The following TASOR2 variants were observed in gnomAD, a reference collection of about 807,000 sequenced individuals.
TASOR2 encodes the protein transcription activation suppressor family member 2.
In TASOR2, 84 loss-of-function variants were observed where a neutral mutation model predicts 199.5. The observed-to-expected ratio is 0.42, with a 90% confidence interval of 0.35 to 0.50. The LOEUF (loss-of-function observed/expected upper bound fraction) is 0.50, where lower values mean the gene tolerates loss of function less well. Ranked by LOEUF, TASOR2 falls within the 20% of genes least tolerant of loss-of-function variation. TASOR2 has a pLI of 0.02. For synonymous variants in TASOR2, 1,103 were observed against 1,046.6 expected (o/e 1.05, Z -1.04); for missense variants, 2,796 against 2,835.9 (o/e 0.99, Z 0.32).
At chr10:5,693,314 A>G (rs988142853) in intron 1 of TASOR2, among the ~76,000 whole-genome samples, 16 of 152,172 alleles carry the variant, frequency 1.1e-4, no homozygotes, top group African/African-American at 3.9e-4. Flanking sequence ...TGAAATGTAG[A>G]ACAGGGATTG....
intron 6 of TASOR2, 142 bp downstream of exon 7, chr10:5,721,112 T>A: frequency 1.6e-6 from 1 of 615,066 alleles, no homozygotes; most frequent in Non-Finnish European, 2.8e-6. Flanking sequence ...TTTGGGTAAA[T>A]GTATAGCACA....
At chr10:5,734,542 C>T (rs1283117447) in intron 11 of TASOR2, among the ~76,000 whole-genome samples, 1 of 152,074 alleles carries the variant, frequency 6.6e-6, no homozygotes, top group Non-Finnish European at 1.5e-5. Flanking sequence ...TAATATGGCT[C>T]TCCAAATATA....
At position 5,742,057 on chromosome 10, in the gene TASOR2, T is replaced by G. The variant is rs1234921761; in HGVS notation, c.2328-40T>G. 6.3e-7 allele frequency: 1 copy of G among 1,579,270 alleles called. No individual in the cohort carries two copies. Among genetic ancestry groups the G allele is most frequent in the Admixed American group, 2.0e-5 (1 of 50,712 alleles). ...ATAAGGTAATCAACTAAAATAACCA[T>G]TTTCAATGATTTTCATGTGTTCTTT... is the stretch of plus-strand genomic sequence containing the variant. On this transcript the variant is annotated intron_variant, in intron 13 of 20. Coordinates refer to ENST00000328090, the Ensembl canonical transcript of TASOR2. This position sits in a 1 kb window ranked among gnomAD's most constrained non-coding sequence, Gnocchi z 4.2.
intron 1 of TASOR2, among the ~76,000 whole-genome samples, chr10:5,694,049 T>C (rs1198335665): frequency 6.6e-6 from 1 of 151,020 alleles, no homozygotes; most frequent in Admixed American, 6.6e-5. Context: ...TAAATAGATG[T>C]CACTAAAGGA....
intron 8 of TASOR2, among the ~76,000 whole-genome samples, chr10:5,725,887 C>T (rs1283864148): frequency 6.6e-6 from 1 of 152,112 alleles, no homozygotes; most frequent in Non-Finnish European, 1.5e-5. Flanking sequence ...CACATAGGGG[C>T]TCTCATAGAA....
rs114952405 is a variant in TASOR2, at chr10:5,761,727, G to T, written c.7174+256G>T. 3.2e-3 allele frequency: 1,027 copies of T among 320,028 alleles called. 15 individuals carry two copies. Among genetic ancestry groups the T allele is most frequent in the African/African-American group, 0.02 (942 of 46,558 alleles). 19.8% of individuals were successfully genotyped at this position (320,028 alleles called of 1,614,324 possible). ...TCAATACAGTATAAGTAGTTATACCGTATTATTTTTTAAATCAATACTGGG... is the reference window on the plus strand; with the variant it reads ...TCAATACAGTATAAGTAGTTATACCTTATTATTTTTTAAATCAATACTGGG... On this transcript the variant is annotated intron_variant, in intron 19 of 20. Coordinates refer to ENST00000328090, the Ensembl canonical transcript of TASOR2.
At chr10:5,734,950 C>A (rs1390905798) in intron 11 of TASOR2, among the ~76,000 whole-genome samples, 1 of 151,806 alleles carries the variant, frequency 6.6e-6, no homozygotes, top group East Asian at 1.9e-4. Context: ...CGTCATGGCC[C>A]CCCAACATAC....
At chr10:5,727,256 G>C in intron 10 of TASOR2, 133 bp downstream of exon 11, 1 of 881,646 alleles carries the variant, frequency 1.1e-6, no homozygotes. Flanking sequence ...TAACATCACT[G>C]GTTCACCCTT....
Position 5,752,311 on chromosome 10 carries a change from G to A in TASOR2, c.6606+2284G>A, listed in dbSNP as rs1042998146. Among the ~76,000 whole-genome samples the A allele has an allele frequency of 2.0e-4, 31 of 152,208 alleles. No individual in the cohort carries two copies. The highest frequency in any genetic ancestry group is 1.7e-3 in the East Asian group (9 of 5,196). On this transcript the variant is annotated intron_variant, in intron 15 of 20. Transcript: ENST00000328090. This position sits in a 1 kb window ranked among gnomAD's most constrained non-coding sequence, Gnocchi z 4.4. Reference sequence around the variant, plus strand: ...AATGTGACGCAGGTGCCACGAGGACGCATTGAGGGTGATTGGCCTGGCCGG... The same window carrying A: ...AATGTGACGCAGGTGCCACGAGGACACATTGAGGGTGATTGGCCTGGCCGG...
exon 2 of TASOR2, chr10:5,712,870 A>G (rs1270458514): frequency 1.1e-4 from 137 of 1,231,356 alleles, no homozygotes; most frequent in Non-Finnish European, 7.9e-5. Flanking sequence ...ATACTCAGGA[A>G]GAACTTCAAG....
rs1237026503 is a variant in TASOR2, at chr10:5,735,608, A to G, written c.1447+62A>G. On this transcript the variant is annotated intron_variant, in intron 12 of 20. Coordinates refer to ENST00000328090, the Ensembl canonical transcript of TASOR2. ...ATACAGATCTAACAGAGAGTGCAAGATAATTTATTGAAATAGTGTAAGAGC... is the reference window on the plus strand; with the variant it reads ...ATACAGATCTAACAGAGAGTGCAAGGTAATTTATTGAAATAGTGTAAGAGC... 3.9e-6 allele frequency: 6 copies of G among 1,554,922 alleles called. No homozygotes were observed. In the Admixed American group the frequency reaches 1.0e-4, roughly 27 times the overall value.
intron 1 of TASOR2, among the ~76,000 whole-genome samples, chr10:5,702,267 C>T (rs564321713): frequency 6.6e-6 from 1 of 152,246 alleles, no homozygotes; most frequent in Non-Finnish European, 1.5e-5. Flanking sequence ...TATTGATTTG[C>T]ACATGTTGGA....
intron 10 of TASOR2, among the ~76,000 whole-genome samples, chr10:5,728,473 T>A (rs1437756180): frequency 6.6e-6 from 1 of 151,804 alleles, no homozygotes; most frequent in Non-Finnish European, 1.5e-5. Flanking sequence ...CCGTCTCTAC[T>A]AAAATACAAA....
Position 5,748,764 on chromosome 10 carries a change from T to A in TASOR2, c.5343T>A (p.Asp1781Glu), listed in dbSNP as rs758725586. 5 of 1,614,042 alleles carry A rather than the reference T, an allele frequency of 3.1e-6. No homozygotes were observed. In the East Asian group the frequency reaches 1.1e-4, roughly 36 times the overall value. ...CCTCCTTTGTTTCAGAATCCTTTGA[T>A]ACTTCTGTTTGTGGAATAGCCACAG... is the stretch of plus-strand genomic sequence containing the variant. The change falls in exon 15 of 21, where the codon GAT becomes GAA. Residue 1781 changes from aspartate to glutamate, a missense_variant. Physicochemically the swap from Asp to Glu is conservative, Grantham distance 45. Around this residue, in one of 3 missense-constraint regions of TASOR2, gnomAD observed 1,941 missense variants for 1,924.9 expected, o/e 1.01. Coordinates refer to ENST00000328090, the Ensembl canonical transcript of TASOR2. This position sits in a 1 kb window ranked among gnomAD's most constrained non-coding sequence, Gnocchi z 5.1.
Position 5,742,727 on chromosome 10 carries a change from C to T in TASOR2, c.2757+201C>T, listed in dbSNP as rs1024047831. On this transcript the variant is annotated intron_variant, in intron 14 of 20. Transcript: ENST00000328090. This position sits in a 1 kb window ranked among gnomAD's most constrained non-coding sequence, Gnocchi z 4.2. Reference sequence around the variant, plus strand: ...TGCAGGTAGAGCTTACCTGCCATCCCGATTGAAAAAAACCAGAGTAGAAAA... The same window carrying T: ...TGCAGGTAGAGCTTACCTGCCATCCTGATTGAAAAAAACCAGAGTAGAAAA... Among the ~76,000 whole-genome samples the T allele has an allele frequency of 4.6e-5, 7 of 151,878 alleles. No individual in the cohort carries two copies. The highest frequency in any genetic ancestry group is 1.2e-4 in the African/African-American group (5 of 41,312).
rs1427598744 is a variant in TASOR2, at chr10:5,720,412, G to T, written c.-99-132G>T. The T allele has an allele frequency of 4.3e-6, 6 of 1,390,950 alleles. No individual in the cohort carries two copies. In the South Asian group the frequency reaches 1.1e-4, roughly 25 times the overall value. 86.2% of individuals were successfully genotyped at this position (1,390,950 alleles called of 1,614,324 possible). A position where few individuals can be genotyped will look rare whatever the true frequency, so the allele number is the denominator to read the frequency against. On this transcript the variant is annotated intron_variant, in intron 3 of 20. Transcript: ENST00000328090. The surrounding 1 kb of genome is among the most constrained non-coding windows in gnomAD (Gnocchi z 5.3). ...AACTGAGTCAGGTATAGTTACCTGTGAATGAGTAACACCCAAGATATATTT... is the reference window on the plus strand; with the variant it reads ...AACTGAGTCAGGTATAGTTACCTGTTAATGAGTAACACCCAAGATATATTT...
intron 1 of TASOR2, among the ~76,000 whole-genome samples, chr10:5,693,581 A>C (rs1010268699): frequency 6.6e-5 from 10 of 152,188 alleles, no homozygotes; most frequent in South Asian, 2.1e-4. Flanking sequence ...TTTAAAAAAA[A>C]CCTGTAACTT....
chr10:5,720,473 G>T lies in TASOR2; in HGVS notation c.-99-71G>T. 7.0e-7 allele frequency: 1 copy of T among 1,435,590 alleles called. No homozygotes were observed. Among genetic ancestry groups the T allele is most frequent in the Non-Finnish European group, 9.1e-7 (1 of 1,099,608 alleles). 88.9% of individuals were successfully genotyped at this position (1,435,590 alleles called of 1,614,324 possible). A position where few individuals can be genotyped will look rare whatever the true frequency, so the allele number is the denominator to read the frequency against. Reference sequence around the variant, plus strand: ...TGTGTTAAATTTCAGGGCTCGGTGGGGTTGAGAAAAACTTGGTACATATGC... The same window carrying T: ...TGTGTTAAATTTCAGGGCTCGGTGGTGTTGAGAAAAACTTGGTACATATGC... On this transcript the variant is annotated intron_variant, in intron 3 of 20. Transcript: ENST00000328090. The surrounding 1 kb of genome is among the most constrained non-coding windows in gnomAD (Gnocchi z 5.3).
chr10:5,727,356 AG>A (rs1318082135), intron 10 of TASOR2, among the ~76,000 whole-genome samples: 1 of 152,198 alleles, frequency 6.6e-6, no homozygotes, highest in Non-Finnish European at 1.5e-5. Context: ...GATATCTCAA[AG>A]GTGCCTTAAA....
Sources: gnomAD v4.1 joint callset for allele counts (sites outside exome capture counted in the v4.1 genomes callset) on GRCh38, gnomAD v4.1.1 for gene constraint, gnomAD v4.1.1 regional missense constraint, Gnocchi (gnomAD v3.1) non-coding constraint, MANE v1.5 for transcripts, NCBI Gene and HGNC (gene_info 2026-07-23, HGNC 2026-07-21) for gene names.